Variants in GLIPR1L2 observed in about 807,000 individuals in gnomAD.
GLIPR1L2 encodes GLIPR1 like 2, also known as GLIPR1-like protein 2.
In GLIPR1L2, 21 loss-of-function variants were observed where a neutral mutation model predicts 28.4. That is an observed-to-expected ratio of 0.74 (90% CI 0.52 to 1.06). GLIPR1L2 has a LOEUF of 1.06. GLIPR1L2 is among the 50% of genes least tolerant of loss of function. The pLI is 0.00. For synonymous variants in GLIPR1L2, 145 were observed against 139.3 expected, an observed-to-expected ratio of 1.04 and a Z score of -0.29; for missense variants, 476 against 416.9, an observed-to-expected ratio of 1.14 and a Z score of -1.23.
At chr12:75,428,392 C>T (rs2046055473) in intron 4 of GLIPR1L2, among the ~76,000 whole-genome samples, 1 of 152,064 alleles carries the variant, frequency 6.6e-6, no homozygotes, top group African/African-American at 2.4e-5. Context: ...TGTGACCTGG[C>T]TGTTTGTAAA....
intron 1 of GLIPR1L2, among the ~76,000 whole-genome samples, chr12:75,392,525 A>G (rs866920411): frequency 7.9e-5 from 12 of 152,146 alleles, no homozygotes; most frequent in African/African-American, 2.9e-4. Context: ...ATTTGGTTCT[A>G]TCTGCTGAAG....
chr12:75,401,939 A>T lies in GLIPR1L2; in HGVS notation c.235-8495A>T, dbSNP rs536118851. Among the ~76,000 whole-genome samples the T allele has an allele frequency of 4.6e-5, 7 of 152,298 alleles. No homozygotes were observed. The East Asian group carries it at 1.2e-3, about 25-fold the overall frequency. On this transcript the variant is annotated intron_variant, in intron 1 of 5. Transcript: ENST00000550916. ...ACAAAGAATGAGAGAATAGCTGTAT[A>T]AGTAAAATTAATGAAAAATAATTTT...
Position 75,431,010 on chromosome 12 carries a change from A to T in GLIPR1L2, c.884A>T (p.Glu295Val), listed in dbSNP as rs766036782. 5.5e-5 allele frequency: 85 copies of T among 1,534,408 alleles called. 1 individual carries two copies. The South Asian group carries it at 9.4e-4, about 17-fold the overall frequency. The change falls in exon 6 of 6, where the codon GAA becomes GTA. Residue 295 changes from glutamate to valine, a missense_variant. Glu to Val is a moderately radical substitution (Grantham distance 121, BLOSUM62 -2). Coordinates refer to ENST00000550916, the MANE Select transcript of GLIPR1L2 (RefSeq NM_001270396.2). ...QQMIFTPEES[E>V]AGNEEEEKEE... ...ATGATATTTACCCCTGAGGAATCTG[A>T]AGCAGGGAATGAAGAGGAGGAAAAA...
At chr12:75,406,817 G>A (rs1642350405) in intron 1 of GLIPR1L2, among the ~76,000 whole-genome samples, 1 of 151,064 alleles carries the variant, frequency 6.6e-6, no homozygotes, top group Non-Finnish European at 1.5e-5. Flanking sequence ...AATACGAGAG[G>A]GGCCTGACAA....
At chr12:75,430,214 T>C (rs1187061502) in intron 4 of GLIPR1L2, among the ~76,000 whole-genome samples, 1 of 152,160 alleles carries the variant, frequency 6.6e-6, no homozygotes, top group Non-Finnish European at 1.5e-5. Flanking sequence ...TATTATCTCA[T>C]TGGACTAGTT....
chr12:75,418,654 C>T (rs2045947342), intron 3 of GLIPR1L2, among the ~76,000 whole-genome samples: 1 of 152,058 alleles, frequency 6.6e-6, no homozygotes, highest in Non-Finnish European at 1.5e-5. Context: ...ATTGTCTTGG[C>T]TATTCGGGCT....
intron 4 of GLIPR1L2, 86 bp from the exon 5 acceptor site, chr12:75,430,629 G>A (rs1030967845): frequency 2.3e-5 from 29 of 1,247,738 alleles, no homozygotes; most frequent in South Asian, 2.0e-4. Flanking sequence ...CTAGGAGAAA[G>A]TGACACTATT....
Position 75,413,691 on chromosome 12 carries a change from T to C in GLIPR1L2, c.574T>C (p.Tyr192His). 6.8e-7 allele frequency: 1 copy of C among 1,465,620 alleles called. No individual in the cohort carries two copies. Among genetic ancestry groups the C allele is most frequent in the Non-Finnish European group, 9.2e-7 (1 of 1,091,038 alleles). 90.8% of individuals were successfully genotyped at this position (1,465,620 alleles called of 1,614,324 possible). A position where few individuals can be genotyped will look rare whatever the true frequency, so the allele number is the denominator to read the frequency against. The change falls in exon 3 of 6, where the codon TAT becomes CAT. Residue 192 changes from tyrosine (Y) to histidine (H), a missense_variant. Coordinates refer to ENST00000550916, the MANE Select transcript of GLIPR1L2 (RefSeq NM_001270396.2). ...ACATGCAGCAATTTTCATATGCAAC[T>C]ATGCGCCAGGGTAAGTTACTTAAAA... ...IIHAAIFICN[Y>H]APGGTLTRRP... is the part of the protein sequence containing the mutation.
At chr12:75,397,006 T>C (rs560414580) in intron 1 of GLIPR1L2, among the ~76,000 whole-genome samples, 2 of 152,336 alleles carry the variant, frequency 1.3e-5, no homozygotes, top group East Asian at 3.9e-4. Flanking sequence ...AGACTAAAAT[T>C]CTTCAGTATT....
rs2045853473 is a variant in GLIPR1L2 at position 75,410,432 on chromosome 12, A to G, written c.235-2A>G. ...TCTCTTTGCTTTTTGAATATTTTTC[A>G]GACTTGGGATGTAGCTTTATCACGG... On this transcript the variant is annotated splice_acceptor_variant, in intron 1 of 5. Coordinates refer to ENST00000550916, the MANE Select transcript of GLIPR1L2 (RefSeq NM_001270396.2). LOFTEE classifies it high-confidence loss of function. 1.3e-6 allele frequency: 2 copies of G among 1,503,992 alleles called. No individual in the cohort carries two copies. Among genetic ancestry groups the G allele is most frequent in the Non-Finnish European group, 8.9e-7 (1 of 1,126,084 alleles). 93.2% of individuals were successfully genotyped at this position (1,503,992 alleles called of 1,614,324 possible). A position where few individuals can be genotyped will look rare whatever the true frequency, so the allele number is the denominator to read the frequency against.
At chr12:75,394,763 CAAAA>C (rs71078727) in intron 1 of GLIPR1L2, among the ~76,000 whole-genome samples, 6 of 80,250 alleles carry the variant, frequency 7.5e-5, no homozygotes, top group African/African-American at 9.5e-5. Flanking sequence ...TGTATTTCTG[CAAAA>C]AAAAAAAAAA....
At chr12:75,405,030 A>G (rs959455564) in intron 1 of GLIPR1L2, among the ~76,000 whole-genome samples, 1 of 152,200 alleles carries the variant, frequency 6.6e-6, no homozygotes, top group Non-Finnish European at 1.5e-5. Context: ...ATATTCATAA[A>G]ATTTGCTAGT....
chr12:75,400,927 AT>A (rs1256077357), intron 1 of GLIPR1L2, among the ~76,000 whole-genome samples: 1 of 151,674 alleles, frequency 6.6e-6, no homozygotes, highest in Non-Finnish European at 1.5e-5. Context: ...TTATATATAT[AT>A]ATGTGTGTGT....
At chr12:75,414,314 C>T (rs1173854247) in intron 3 of GLIPR1L2, among the ~76,000 whole-genome samples, 3 of 151,912 alleles carry the variant, frequency 2.0e-5, no homozygotes, top group Admixed American at 6.6e-5. Context: ...TTCCAAGTTT[C>T]TTACAGGTCA....
chr12:75,424,331 T>C (rs1284936097), intron 4 of GLIPR1L2, among the ~76,000 whole-genome samples: 1 of 152,254 alleles, frequency 6.6e-6, no homozygotes, highest in East Asian at 1.9e-4. Flanking sequence ...ATGATGAACT[T>C]TTTTTCTTGT....
chr12:75,415,442 G>A (rs1481694619), intron 3 of GLIPR1L2, among the ~76,000 whole-genome samples: 1 of 152,100 alleles, frequency 6.6e-6, no homozygotes, highest in Non-Finnish European at 1.5e-5. Flanking sequence ...GTTTTAGCAT[G>A]TGGATTGTTT....
intron 1 of GLIPR1L2, among the ~76,000 whole-genome samples, chr12:75,396,321 G>A (rs560387987): frequency 2.0e-5 from 3 of 151,840 alleles, no homozygotes; most frequent in East Asian, 3.9e-4. Context: ...TCACCACCAC[G>A]CCCAGCTGAT....
intron 3 of GLIPR1L2, among the ~76,000 whole-genome samples, chr12:75,416,835 A>G (rs1018684000): frequency 6.6e-6 from 1 of 152,092 alleles, no homozygotes; most frequent in African/African-American, 2.4e-5. Context: ...TGGCAAGTCT[A>G]CCTTGAAGGA....
chr12:75,428,752 T>C lies in GLIPR1L2; in HGVS notation c.671-1963T>C, dbSNP rs368590808. 2.6e-5 allele frequency among the ~76,000 whole-genome samples: 4 copies of C among 152,332 alleles called. No homozygotes were observed. The East Asian group carries it at 7.7e-4, about 29-fold the overall frequency. ...TGTGTAGCCTTGGGACATGGTTCCC[T>C]GCCTCCCAGCCATTCCAGCTTAAGC... On this transcript the variant is annotated intron_variant, in intron 4 of 5. Transcript: ENST00000550916.
Sources: allele counts gnomAD v4.1 joint callset (sites outside exome capture counted in the v4.1 genomes callset), GRCh38; gene constraint gnomAD v4.1.1; transcripts MANE v1.5; gene names NCBI Gene and HGNC (gene_info 2026-07-23, HGNC 2026-07-21).